Variants in LAPTM4A observed in about 807,000 individuals in gnomAD.
The protein encoded by LAPTM4A is lysosomal-associated transmembrane protein 4A.
Under a neutral mutation model 29.9 loss-of-function variants are expected in LAPTM4A, and 19 were observed. That is an observed-to-expected ratio of 0.64 (90% confidence interval 0.44 to 0.93). The LOEUF is 0.93. Among genes scored for constraint, LAPTM4A ranks in the 40% least tolerant of loss-of-function variants. LAPTM4A has a pLI of 0.00. For missense variants in LAPTM4A, 293 were observed against 288.5 expected, an observed-to-expected ratio of 1.02 and a Z score of -0.11; for synonymous variants, 105 against 102.1, an observed-to-expected ratio of 1.03 and a Z score of -0.17.
chr2:20,049,047 A>ATTACTGATCACCTTCTCC (rs1213673679), intron 1 of LAPTM4A, among the ~76,000 whole-genome samples: 1 of 152,226 alleles, frequency 6.6e-6, no homozygotes, highest in Non-Finnish European at 1.5e-5. Context: ...AGAATCTGAT[A>ATTACTGATCACCTTCTCC]TTACTGATCA....
chr2:20,034,810 A>T (rs1477750601), intron 5 of LAPTM4A, among the ~76,000 whole-genome samples, 157 bp downstream of exon 5: 2 of 152,256 alleles, frequency 1.3e-5, no homozygotes, highest in Non-Finnish European at 2.9e-5. Context: ...ACACAACAGA[A>T]ACCATTCCCT....
At chr2:20,047,979 G>C (rs1673971627) in intron 1 of LAPTM4A, among the ~76,000 whole-genome samples, 1 of 152,158 alleles carries the variant, frequency 6.6e-6, no homozygotes, top group African/African-American at 2.4e-5. Context: ...ATATAAACAA[G>C]CTATGCTTAC....
At chr2:20,049,231 T>C (rs1439963644) in intron 1 of LAPTM4A, among the ~76,000 whole-genome samples, 2 of 152,240 alleles carry the variant, frequency 1.3e-5, no homozygotes, top group Non-Finnish European at 2.9e-5. Flanking sequence ...CTGTGATTTA[T>C]TCCTTTTGTT....
chr2:20,033,232 T>C lies in LAPTM4A; in HGVS notation c.675A>G (p.Glu225=), dbSNP rs375967735. The C allele has an allele frequency of 5.0e-6, 8 of 1,614,120 alleles. No individual in the cohort carries two copies. Among genetic ancestry groups the C allele is most frequent in the Non-Finnish European group, 6.8e-6 (8 of 1,180,008 alleles). Residue 225 remains glutamate, a synonymous_variant, in exon 7 of 7, where the codon GAA becomes GAG. Coordinates refer to ENST00000175091, the MANE Select transcript of LAPTM4A (RefSeq NM_014713.5). ...YEMAVKMPEK[E]PPPPYLPA The stretch of plus-strand genomic sequence containing the variant: ...AGGCAGGTAAGTAAGGAGGTGGTGG[T>C]TCTTTTTCAGGCATTTTCACGGCCA...
At chr2:20,043,456 TC>T (rs1673850040) in intron 1 of LAPTM4A, among the ~76,000 whole-genome samples, 2 of 152,194 alleles carry the variant, frequency 1.3e-5, no homozygotes, top group African/African-American at 2.4e-5. Context: ...CCTCAAGTGA[TC>T]CACCAGCCTT....
At chr2:20,039,903 G>A (rs1350386051) in intron 2 of LAPTM4A, among the ~76,000 whole-genome samples, 10 of 151,920 alleles carry the variant, frequency 6.6e-5, no homozygotes, top group Non-Finnish European at 1.0e-4. Flanking sequence ...AAAATTAGCC[G>A]GGTGTGGTGG....
chr2:20,047,646 C>T (rs1673960314), intron 1 of LAPTM4A, among the ~76,000 whole-genome samples: 1 of 144,670 alleles, frequency 6.9e-6, no homozygotes, highest in South Asian at 2.3e-4. Flanking sequence ...GCCGAGATTG[C>T]GCCACTGCGG....
intron 2 of LAPTM4A, among the ~76,000 whole-genome samples, chr2:20,039,260 T>C (rs1304029733): frequency 6.6e-6 from 1 of 152,198 alleles, no homozygotes; most frequent in Non-Finnish European, 1.5e-5. Flanking sequence ...TCATCAATAT[T>C]TGGCACTAAA....
chr2:20,050,214 G>A (rs1444323032), intron 1 of LAPTM4A, among the ~76,000 whole-genome samples: 1 of 152,204 alleles, frequency 6.6e-6, no homozygotes, highest in Non-Finnish European at 1.5e-5. Flanking sequence ...CAGTCATGTG[G>A]AGTCAGGTAG....
chr2:20,051,623 G>T lies in LAPTM4A; in HGVS notation c.-103C>A. On this transcript the variant is annotated 5_prime_UTR_variant, in exon 1 of 7. Transcript: ENST00000175091. The stretch of plus-strand genomic sequence containing the variant: ...CACGGCCTCCAAAACCCAACGACGC[G>T]TCTTCAAACCCGCCCCCGGCTCGTG... The T allele has an allele frequency of 1.4e-6, 1 of 738,336 alleles. No individual in the cohort carries two copies. The highest frequency in any genetic ancestry group is 1.8e-5 in the South Asian group (1 of 56,696). 45.7% of individuals were successfully genotyped at this position (738,336 alleles called of 1,614,324 possible).
intron 2 of LAPTM4A, 31 bp from the exon 3 acceptor site, chr2:20,037,645 G>A: frequency 7.1e-7 from 1 of 1,413,562 alleles, no homozygotes; most frequent in Non-Finnish European, 9.8e-7. Flanking sequence ...ATCTAATTAA[G>A]CTACTTACAC....
At chr2:20,038,275 A>G (rs980812436) in intron 2 of LAPTM4A, among the ~76,000 whole-genome samples, 1 of 152,098 alleles carries the variant, frequency 6.6e-6, no homozygotes, top group African/African-American at 2.4e-5. Flanking sequence ...TTCGTTTCTC[A>G]ACTCTTCCTC....
chr2:20,047,666 C>T (rs1445561379), intron 1 of LAPTM4A, among the ~76,000 whole-genome samples: 4 of 131,654 alleles, frequency 3.0e-5, no homozygotes, highest in African/African-American at 1.0e-4. Context: ...GTCCGCAGTC[C>T]GGCCTGGGCG....
intron 1 of LAPTM4A, among the ~76,000 whole-genome samples, chr2:20,048,742 C>T (rs938790959): frequency 3.3e-5 from 5 of 152,178 alleles, no homozygotes; most frequent in Non-Finnish European, 7.3e-5. Flanking sequence ...AGTACCTTGA[C>T]AAGGTAGGTA....
chr2:20,041,902 C>T (rs946289368), intron 1 of LAPTM4A, among the ~76,000 whole-genome samples: 8 of 152,154 alleles, frequency 5.3e-5, no homozygotes, highest in Admixed American at 2.0e-4. Context: ...TGAAAACAGC[C>T]TCCAAATACT....
intron 1 of LAPTM4A, among the ~76,000 whole-genome samples, chr2:20,041,516 T>TTG (rs372627922): frequency 9.2e-5 from 14 of 151,392 alleles, no homozygotes; most frequent in Admixed American, 4.0e-4. Flanking sequence ...AGTCTTACTT[T>TTG]TGTGTGTGTG....
intron 2 of LAPTM4A, among the ~76,000 whole-genome samples, chr2:20,039,415 T>C (rs1175368710): frequency 1.3e-5 from 2 of 152,236 alleles, no homozygotes; most frequent in Non-Finnish European, 2.9e-5. Context: ...ACAGGTATTA[T>C]CAAACTTGAA....
chr2:20,043,175 C>T (rs1673841392), intron 1 of LAPTM4A, among the ~76,000 whole-genome samples: 1 of 141,454 alleles, frequency 7.1e-6, no homozygotes, highest in Admixed American at 7.6e-5. Flanking sequence ...TGGGTTCAAG[C>T]AATTCTCACA....
chr2:20,037,261 T>C, intron 4 of LAPTM4A, 55 bp downstream of exon 4: 1 of 1,424,790 alleles, frequency 7.0e-7, no homozygotes, highest in Non-Finnish European at 9.5e-7. Flanking sequence ...AATTTAAATG[T>C]AAACATTTTA....
Sources: allele counts gnomAD v4.1 joint callset (sites outside exome capture counted in the v4.1 genomes callset), GRCh38; gene constraint gnomAD v4.1.1; transcripts MANE v1.5; gene names NCBI Gene and HGNC (gene_info 2026-07-23, HGNC 2026-07-21).